SWT1: variants seen among roughly 807,000 people sequenced by gnomAD.
SWT1 encodes the protein SWT1 RNA endoribonuclease homolog, also known as transcriptional protein SWT1.
SWT1 carries 33 observed loss-of-function variants against 107.3 expected under a neutral mutation model. The ratio of observed to expected loss-of-function variants is 0.31; its 90% CI spans 0.23 to 0.41. The LOEUF (loss-of-function observed/expected upper bound fraction) is 0.41, where lower values mean the gene tolerates loss of function less well. Among genes scored for constraint, SWT1 ranks in the 10% least tolerant of loss-of-function variants. SWT1 has a pLI of 1.00. For synonymous variants in SWT1, 345 were observed against 348.3 expected (o/e 0.99, Z 0.11); for missense variants, 898 against 1,028.9 (o/e 0.87, Z 1.74).
intron 14 of SWT1, among the ~76,000 whole-genome samples, chr1:185,217,268 CATGACTGGT>C (rs1659293212): frequency 1.3e-5 from 2 of 152,140 alleles, no homozygotes. Context: ...ACCCCTGGGC[CATGACTGGT>C]ATTGGCATAG....
chr1:185,290,974 A>G lies in SWT1; in HGVS notation c.*171A>G, dbSNP rs539302969. 2.3e-6 allele frequency: 1 copy of G among 437,064 alleles called. No homozygotes were observed. The allele number at this position is 437,064 out of a possible 1,614,324, so 27.1% of individuals were successfully genotyped here. A position where few individuals can be genotyped will look rare whatever the true frequency, so the allele number is the denominator to read the frequency against. On this transcript the variant is annotated 3_prime_UTR_variant, in exon 19 of 19. Coordinates refer to ENST00000367500, the MANE Select transcript of SWT1 (RefSeq NM_017673.7). ...GTCTCATTGTAGCTCTAAAAAGCCT[A>G]ATGTATCCACTGTGGAATAAACTCC...
At chr1:185,160,948 C>T in intron 2 of SWT1, 23 bp downstream of exon 2, 1 of 1,517,340 alleles carries the variant, frequency 6.6e-7, no homozygotes, top group Non-Finnish European at 9.1e-7. Flanking sequence ...ATTTACTGAC[C>T]TAGAGATACA....
intron 16 of SWT1, among the ~76,000 whole-genome samples, chr1:185,250,278 A>G (rs1326002860): frequency 6.6e-6 from 1 of 152,092 alleles, no homozygotes; most frequent in East Asian, 1.9e-4. Context: ...TAAGAATGTG[A>G]GAGGCAACCA....
chr1:185,196,552 T>C (rs908816431), intron 10 of SWT1, among the ~76,000 whole-genome samples: 2 of 152,230 alleles, frequency 1.3e-5, no homozygotes, highest in Admixed American at 1.3e-4. Context: ...CAGGATAGCA[T>C]TGAATCAATA....
intron 16 of SWT1, among the ~76,000 whole-genome samples, chr1:185,242,415 A>G (rs1661310319): frequency 6.6e-6 from 1 of 152,274 alleles, no homozygotes; most frequent in Middle Eastern, 3.4e-3. Flanking sequence ...TTCATTTTAC[A>G]TATCTAAAAC....
intron 16 of SWT1, among the ~76,000 whole-genome samples, chr1:185,244,281 G>A (rs1661450530): frequency 6.6e-6 from 1 of 151,996 alleles, no homozygotes; most frequent in Non-Finnish European, 1.5e-5. Flanking sequence ...TCTTGTGTGA[G>A]CATTATAGAG....
At chr1:185,275,438 ATAT>A (rs1342709760) in intron 17 of SWT1, among the ~76,000 whole-genome samples, 1 of 148,620 alleles carries the variant, frequency 6.7e-6, no homozygotes, top group Non-Finnish European at 1.5e-5. Flanking sequence ...ATAATATCAA[ATAT>A]TATATAATTA....
At chr1:185,171,782 G>C (rs1655091715) in intron 4 of SWT1, 2 of 378,692 alleles carry the variant, frequency 5.3e-6, no homozygotes, top group Non-Finnish European at 1.0e-5. Flanking sequence ...CACAGTCTCG[G>C]CTCACTGCAG....
chr1:185,290,662 T>A lies in SWT1; in HGVS notation c.2574-12T>A. 1 of 1,561,160 alleles carries A rather than the reference T, an allele frequency of 6.4e-7. No homozygotes were observed. The highest frequency in any genetic ancestry group is 8.7e-7 in the Non-Finnish European group (1 of 1,152,752). ...CTGTCTTGCAATGATTTAATATTTCTTTTTCTCCTAGGGAAAAGTTAACCA... is the reference window on the plus strand; with the variant it reads ...CTGTCTTGCAATGATTTAATATTTCATTTTCTCCTAGGGAAAAGTTAACCA... On this transcript the variant is annotated splice_polypyrimidine_tract_variant and intron_variant, in intron 18 of 18. Transcript: ENST00000367500.
intron 15 of SWT1, among the ~76,000 whole-genome samples, chr1:185,225,851 A>G (rs1333621926): frequency 6.6e-6 from 1 of 152,208 alleles, no homozygotes; most frequent in African/African-American, 2.4e-5. Context: ...AAAGAAGATA[A>G]ATACTTTTGT....
chr1:185,212,293 A>G (rs1045742518), intron 13 of SWT1, among the ~76,000 whole-genome samples: 1 of 152,182 alleles, frequency 6.6e-6, no homozygotes, highest in African/African-American at 2.4e-5. Context: ...TTTAAAAGAG[A>G]AAGTCCGTAA....
chr1:185,181,251 G>T (rs988715671), intron 6 of SWT1, among the ~76,000 whole-genome samples: 2 of 152,210 alleles, frequency 1.3e-5, no homozygotes, highest in African/African-American at 2.4e-5. Context: ...CTGGCTGACA[G>T]AGCAAGACTG....
At chr1:185,199,188 G>C (rs1018847365) in intron 10 of SWT1, among the ~76,000 whole-genome samples, 1 of 151,970 alleles carries the variant, frequency 6.6e-6, no homozygotes, top group Non-Finnish European at 1.5e-5. Context: ...CACCCACCTT[G>C]GCCTCCCAAA....
chr1:185,210,195 T>C (rs1162987990), intron 13 of SWT1, among the ~76,000 whole-genome samples: 2 of 152,346 alleles, frequency 1.3e-5, no homozygotes, highest in East Asian at 3.9e-4. Flanking sequence ...GATGATAGTT[T>C]CTTTTGTTGT....
At chr1:185,201,463 C>G (rs894498405) in intron 10 of SWT1, among the ~76,000 whole-genome samples, 17 of 152,300 alleles carry the variant, frequency 1.1e-4, no homozygotes, top group African/African-American at 3.4e-4. Context: ...TGCACCGTTC[C>G]TCAGGGCACA....
At chr1:185,272,361 A>G (rs1663933842) in intron 17 of SWT1, among the ~76,000 whole-genome samples, 1 of 152,200 alleles carries the variant, frequency 6.6e-6, no homozygotes, top group Non-Finnish European at 1.5e-5. Context: ...TTTTGTGTGT[A>G]TATGTGTTTA....
intron 16 of SWT1, among the ~76,000 whole-genome samples, chr1:185,248,267 A>C (rs1661750501): frequency 6.6e-6 from 1 of 151,564 alleles, no homozygotes; most frequent in Non-Finnish European, 1.5e-5. Flanking sequence ...ATATGCAAAC[A>C]ACAATGTTCT....
At chr1:185,194,080 T>C (rs889666989) in intron 10 of SWT1, among the ~76,000 whole-genome samples, 1 of 152,222 alleles carries the variant, frequency 6.6e-6, no homozygotes, top group African/African-American at 2.4e-5. Context: ...TAAAGTCTTC[T>C]TTGTCTAGTA....
At chr1:185,206,570 TAATAATTGG>T in intron 12 of SWT1, 46 bp from the exon 13 acceptor site, 1 of 1,112,246 alleles carries the variant, frequency 9.0e-7, no homozygotes, top group South Asian at 2.7e-5. Flanking sequence ...AGGTACTTTT[TAATAATTGG>T]AATAATAAAT....
Sources: gnomAD v4.1 joint callset for allele counts (sites outside exome capture counted in the v4.1 genomes callset) on GRCh38, gnomAD v4.1.1 for gene constraint, MANE v1.5 for transcripts, NCBI Gene and HGNC (gene_info 2026-07-23, HGNC 2026-07-21) for gene names.